Variants in ADAM10 observed in about 807,000 individuals in gnomAD.
ADAM10 encodes disintegrin and metalloproteinase domain-containing protein 10.
Under a neutral mutation model 90.1 loss-of-function variants are expected in ADAM10, and 17 were observed. The ratio of observed to expected loss-of-function variants is 0.19; its 90% CI spans 0.13 to 0.28. The LOEUF (loss-of-function observed/expected upper bound fraction) is 0.28, where lower values mean the gene tolerates loss of function less well. Among genes scored for constraint, ADAM10 ranks in the 10% least tolerant of loss-of-function variants. ADAM10 has a pLI of 1.00. For missense variants in ADAM10, 610 were observed against 914.3 expected (o/e 0.67, Z 4.29); for synonymous variants, 310 against 298.6 (o/e 1.04, Z -0.40).
At chr15:58,645,569 C>T (rs937017474) in intron 6 of ADAM10, among the ~76,000 whole-genome samples, 1 of 152,122 alleles carries the variant, frequency 6.6e-6, no homozygotes, top group Non-Finnish European at 1.5e-5. Flanking sequence ...TCCTTTGAGT[C>T]AAAAGTTCAT....
intron 2 of ADAM10, among the ~76,000 whole-genome samples, chr15:58,683,897 A>G (rs1224747700): frequency 2.6e-5 from 4 of 151,340 alleles, no homozygotes; most frequent in African/African-American, 9.7e-5. Context: ...AAGGAAATAT[A>G]AAGTCATCCC....
chr15:58,655,696 G>A (rs1193425804), intron 5 of ADAM10, among the ~76,000 whole-genome samples: 8 of 68,254 alleles, frequency 1.2e-4, no homozygotes, highest in African/African-American at 4.0e-4. Context: ...ATTATATATA[G>A]TATATATATA....
chr15:58,655,676 A>ATTATATATAG (rs60768201), intron 5 of ADAM10, among the ~76,000 whole-genome samples: 7 of 111,164 alleles, frequency 6.3e-5, no homozygotes, highest in African/African-American at 2.6e-4. Context: ...ATACATACAT[A>ATTATATATAG]CATATATATA....
intron 5 of ADAM10, among the ~76,000 whole-genome samples, chr15:58,655,652 GCATA>G (rs71116584): frequency 0.051 from 4,575 of 90,394 alleles, 376 homozygotes; most frequent in Middle Eastern, 0.11. Context: ...TGATCCCTTT[GCATA>G]CATACATACA....
intron 14 of ADAM10, among the ~76,000 whole-genome samples, chr15:58,603,876 TAAAAAAAAAAAA>T (rs34718794): frequency 4.2e-5 from 3 of 72,070 alleles, no homozygotes; most frequent in South Asian, 4.5e-4. Context: ...GGTCCAGGGT[TAAAAAAAAAAAA>T]AAAAAAAAAA....
At chr15:58,698,530 C>T (rs1451302864) in intron 2 of ADAM10, 6 of 197,854 alleles carry the variant, frequency 3.0e-5, no homozygotes, top group East Asian at 1.8e-4. Flanking sequence ...GAGCCAAGAT[C>T]GCATCAATGT....
At chr15:58,670,720 G>C (rs1225598827) in intron 4 of ADAM10, among the ~76,000 whole-genome samples, 2 of 151,944 alleles carry the variant, frequency 1.3e-5, no homozygotes, top group Non-Finnish European at 2.9e-5. Flanking sequence ...TTACATACAA[G>C]AATACTTAAT....
At chr15:58,644,685 C>G (rs1896505343) in intron 6 of ADAM10, among the ~76,000 whole-genome samples, 1 of 152,206 alleles carries the variant, frequency 6.6e-6, no homozygotes, top group Non-Finnish European at 1.5e-5. Context: ...ATAAGAACTT[C>G]CCTGATGGCT....
chr15:58,720,680 C>A (rs548725691), intron 1 of ADAM10, among the ~76,000 whole-genome samples: 41 of 152,252 alleles, frequency 2.7e-4, no homozygotes, highest in African/African-American at 9.1e-4. Context: ...GGATTACAGG[C>A]ATGAGCCACC....
At chr15:58,612,891 T>G (rs1390081599) in intron 11 of ADAM10, among the ~76,000 whole-genome samples, 4 of 152,124 alleles carry the variant, frequency 2.6e-5, no homozygotes, top group African/African-American at 9.7e-5. Flanking sequence ...ACAGTAAACA[T>G]GCACTGCAAG....
chr15:58,668,513 G>C (rs531371527), intron 4 of ADAM10, among the ~76,000 whole-genome samples: 4 of 152,100 alleles, frequency 2.6e-5, no homozygotes, highest in Admixed American at 6.5e-5. Context: ...ATAGGGCTGA[G>C]GCTTCTCCTG....
At chr15:58,737,983 G>A (rs1354414125) in intron 1 of ADAM10, among the ~76,000 whole-genome samples, 5 of 152,098 alleles carry the variant, frequency 3.3e-5, no homozygotes, top group African/African-American at 7.2e-5. Flanking sequence ...TCTTAAGAAT[G>A]GGAGAGGAAA....
intron 8 of ADAM10, 96 bp downstream of exon 8, chr15:58,640,681 C>A: frequency 1.8e-6 from 2 of 1,142,308 alleles, no homozygotes; most frequent in Non-Finnish European, 2.6e-6. Context: ...ATTATACAGG[C>A]ATCACTTTCT....
chr15:58,707,311 G>C (rs1898333795), intron 2 of ADAM10: 1 of 152,030 alleles, frequency 6.6e-6, no homozygotes, highest in African/African-American at 2.4e-5. Context: ...TTGAACCTGG[G>C]AGGTGGAGGC....
chr15:58,719,640 A>G (rs1898776475), intron 1 of ADAM10, among the ~76,000 whole-genome samples: 1 of 152,210 alleles, frequency 6.6e-6, no homozygotes, highest in Non-Finnish European at 1.5e-5. Flanking sequence ...TTAGACAACA[A>G]TGTGAATATA....
rs147839779 is a variant in ADAM10 at position 58,702,204 on chromosome 15, A to G, written c.206+15373T>C. Among the ~76,000 whole-genome samples, 1,285 of 152,296 alleles carry G rather than the reference A, an allele frequency of 8.4e-3. 20 individuals are homozygous for G. The highest frequency in any genetic ancestry group is 0.029 in the African/African-American group (1,223 of 41,564). ...TGAACTAAGCCAAGCACAAAAAGAC[A>G]AACATCCCATGTTCTCACTCTTATG... On this transcript the variant is annotated intron_variant, in intron 2 of 15. Coordinates refer to ENST00000260408, the MANE Select transcript of ADAM10 (RefSeq NM_001110.4).
At chr15:58,666,360 G>T (rs1366446286) in intron 4 of ADAM10, among the ~76,000 whole-genome samples, 4 of 151,494 alleles carry the variant, frequency 2.6e-5, no homozygotes, top group Non-Finnish European at 4.4e-5. Flanking sequence ...AGCTGAATGA[G>T]GCTAAAGAAA....
intron 6 of ADAM10, among the ~76,000 whole-genome samples, chr15:58,644,986 TTC>T (rs1273714893): frequency 2.6e-5 from 4 of 152,166 alleles, no homozygotes; most frequent in African/African-American, 4.8e-5. Flanking sequence ...CAACTAAACT[TTC>T]TGACTTCTAA....
intron 15 of ADAM10, among the ~76,000 whole-genome samples, 195 bp downstream of exon 15, chr15:58,599,403 C>CATTA (rs1161391715): frequency 6.6e-6 from 1 of 151,350 alleles, no homozygotes; most frequent in African/African-American, 2.4e-5. Context: ...GATAAATTAG[C>CATTA]ATTAACTTAG....
Sources: gnomAD v4.1 joint callset for allele counts (sites outside exome capture counted in the v4.1 genomes callset) on GRCh38, gnomAD v4.1.1 for gene constraint, MANE v1.5 for transcripts, NCBI Gene and HGNC (gene_info 2026-07-23, HGNC 2026-07-21) for gene names.